The following DNAJB6 variants were observed in gnomAD, a reference collection of about 807,000 sequenced individuals.
The protein encoded by DNAJB6 is DnaJ heat shock protein family (Hsp40) member B6.
In DNAJB6, 16 loss-of-function variants were observed where a neutral mutation model predicts 42.7. The ratio of observed to expected loss-of-function variants is 0.37; its 90% CI spans 0.25 to 0.57. DNAJB6 has a LOEUF of 0.57. DNAJB6 is among the 20% of genes least tolerant of loss of function. The pLI, the probability that DNAJB6 is intolerant of heterozygous loss-of-function variation, is 0.74. For synonymous variants in DNAJB6, 170 were observed against 163.5 expected (o/e 1.04, Z -0.30); for missense variants, 347 against 416.8 (o/e 0.83, Z 1.46).
At chr7:157,358,739 G>T in intron 2 of DNAJB6, 102 bp downstream of exon 2, 1 of 903,872 alleles carries the variant, frequency 1.1e-6, no homozygotes, top group Middle Eastern at 2.2e-4. Context: ...TTTTAATGTA[G>T]TATACCAGTC....
chr7:157,371,843 G>A lies in DNAJB6; in HGVS notation c.346+4360G>A, dbSNP rs780198222. Among the ~76,000 whole-genome samples, 113 of 152,208 alleles carry A rather than the reference G, an allele frequency of 7.4e-4. 3 individuals carry two copies. The highest frequency in any genetic ancestry group is 3.4e-4 in the Non-Finnish European group (23 of 68,036). ...CCTTTTGATCCCATTAGTCACAGCA[G>A]GCATTACATCTGGGAAAAGCCTGTG... On this transcript the variant is annotated intron_variant, in intron 5 of 9. Transcript: ENST00000262177.
At chr7:157,344,573 C>T (rs895105918) in intron 1 of DNAJB6, among the ~76,000 whole-genome samples, 1 of 151,918 alleles carries the variant, frequency 6.6e-6, no homozygotes, top group Non-Finnish European at 1.5e-5. Context: ...CGCAAATTCC[C>T]TTCCAGCCTG....
At chr7:157,347,269 G>C (rs1356670030) in intron 1 of DNAJB6, among the ~76,000 whole-genome samples, 1 of 152,220 alleles carries the variant, frequency 6.6e-6, no homozygotes, top group African/African-American at 2.4e-5. Context: ...GAGATTTCAA[G>C]TACTGGTGAG....
At chr7:157,401,223 T>C (rs1286601474) in intron 8 of DNAJB6, among the ~76,000 whole-genome samples, 3 of 152,130 alleles carry the variant, frequency 2.0e-5, no homozygotes, top group Non-Finnish European at 4.4e-5. Context: ...TATATTTCTT[T>C]TTTCTTTTTT....
chr7:157,383,754 C>G (rs941403819), intron 6 of DNAJB6, among the ~76,000 whole-genome samples: 2 of 152,064 alleles, frequency 1.3e-5, no homozygotes, highest in African/African-American at 4.8e-5. Flanking sequence ...CCACGTGTAG[C>G]TCCTGAGCCC....
chr7:157,393,566 TGAG>T (rs1436918371), intron 8 of DNAJB6, among the ~76,000 whole-genome samples: 1 of 152,192 alleles, frequency 6.6e-6, no homozygotes, highest in East Asian at 1.9e-4. Flanking sequence ...CCTGTGATCT[TGAG>T]GAGGGTGAGT....
chr7:157,405,257 C>T (rs1385320444), intron 8 of DNAJB6, among the ~76,000 whole-genome samples: 3 of 152,196 alleles, frequency 2.0e-5, no homozygotes, highest in Admixed American at 6.5e-5. Context: ...GAGAGAATGT[C>T]CTGGGGGCTC....
intron 8 of DNAJB6, 40 bp from the exon 9 acceptor site, chr7:157,409,755 C>T: frequency 6.7e-7 from 1 of 1,488,060 alleles, no homozygotes; most frequent in Non-Finnish European, 8.9e-7. Context: ...CCGGCCGCCG[C>T]CGCTCACTCA....
At chr7:157,349,031 T>C (rs1798835584) in intron 1 of DNAJB6, among the ~76,000 whole-genome samples, 1 of 152,142 alleles carries the variant, frequency 6.6e-6, no homozygotes, top group Admixed American at 6.6e-5. Flanking sequence ...CTGTGCATAT[T>C]TGTCTTTTTA....
intron 5 of DNAJB6, among the ~76,000 whole-genome samples, chr7:157,371,916 C>CT (rs777830734): frequency 6.6e-6 from 1 of 152,280 alleles, no homozygotes; most frequent in Middle Eastern, 3.4e-3. Context: ...CAAAGCGAAC[C>CT]TTTAAGGTTT....
At chr7:157,383,236 C>G (rs1800878215) in intron 6 of DNAJB6, among the ~76,000 whole-genome samples, 1 of 152,042 alleles carries the variant, frequency 6.6e-6, no homozygotes, top group African/African-American at 2.4e-5. Context: ...TTGAACTGAC[C>G]TCGGGTGGAT....
chr7:157,402,033 C>A (rs926151999), intron 8 of DNAJB6, among the ~76,000 whole-genome samples: 1 of 152,268 alleles, frequency 6.6e-6, no homozygotes, highest in Non-Finnish European at 1.5e-5. Context: ...GGGAGCGTGT[C>A]TGCTCTCTGT....
At chr7:157,346,348 C>T (rs1044697136) in intron 1 of DNAJB6, among the ~76,000 whole-genome samples, 5 of 109,110 alleles carry the variant, frequency 4.6e-5, no homozygotes, top group African/African-American at 1.2e-4. Flanking sequence ...GTTAAAGATA[C>T]AACTTAGTTT....
At chr7:157,410,562 G>C (rs373159814) in intron 9 of DNAJB6, 206 of 163,342 alleles carry the variant, frequency 1.3e-3, no homozygotes, top group African/African-American at 4.7e-3. Context: ...AGTCTCTGAA[G>C]TGAGTGCCCC....
intron 1 of DNAJB6, among the ~76,000 whole-genome samples, chr7:157,346,569 G>C (rs966197272): frequency 6.6e-6 from 1 of 151,798 alleles, no homozygotes; most frequent in Non-Finnish European, 1.5e-5. Context: ...TGAGAGGTCT[G>C]AGGAAAAAAA....
At chr7:157,409,611 C>G (rs890349710) in intron 8 of DNAJB6, among the ~76,000 whole-genome samples, 184 bp from the exon 9 acceptor site, 4 of 152,206 alleles carry the variant, frequency 2.6e-5, no homozygotes, top group Non-Finnish European at 5.9e-5. Context: ...TTTTCCCACT[C>G]TTGGAGGATT....
chr7:157,369,915 C>CTTCTTAACATTATTATTAAACGGGCCCT (rs1800078396), intron 5 of DNAJB6, among the ~76,000 whole-genome samples: 4 of 143,566 alleles, frequency 2.8e-5, no homozygotes, highest in African/African-American at 1.1e-4. Context: ...AAACAGGCCC[C>CTTCTTAACATTATTATTAAACGGGCCCT]TTCTTAACAT....
chr7:157,346,259 A>T lies in DNAJB6; in HGVS notation c.-27+9115A>T, dbSNP rs146762395. 8.8e-4 allele frequency among the ~76,000 whole-genome samples: 127 copies of T among 145,132 alleles called. 1 individual carries two copies. Among genetic ancestry groups the T allele is most frequent in the African/African-American group, 2.8e-3 (114 of 40,216 alleles). On this transcript the variant is annotated intron_variant, in intron 1 of 9. Transcript: ENST00000262177. ...AATCCATGTATTTTACACTTAAATG[A>T]TATTAGGCTACTCCGGGCACACTGC...
chr7:157,389,780 A>G (rs1801252177), intron 8 of DNAJB6, among the ~76,000 whole-genome samples: 1 of 152,288 alleles, frequency 6.6e-6, no homozygotes, highest in Middle Eastern at 3.4e-3. Flanking sequence ...ATTTCCAGAG[A>G]CAGCAGAGTT....
Sources: allele counts gnomAD v4.1 joint callset (sites outside exome capture counted in the v4.1 genomes callset), GRCh38; gene constraint gnomAD v4.1.1; transcripts MANE v1.5; gene names NCBI Gene and HGNC (gene_info 2026-07-23, HGNC 2026-07-21).